APBB2: variants seen among roughly 807,000 people sequenced by gnomAD.
APBB2 encodes the protein Fe65-like 1.
In APBB2, 38 loss-of-function variants were observed where a neutral mutation model predicts 82.5. The observed-to-expected ratio is 0.46, with a 90% confidence interval of 0.36 to 0.60. The LOEUF is 0.60. APBB2 is among the 20% of genes least tolerant of loss of function. The probability of loss-of-function intolerance (pLI) is 0.00; values close to 1 mark genes in which losing one functional copy is unlikely to be tolerated. For synonymous variants in APBB2, 341 were observed against 368.2 expected, an observed-to-expected ratio of 0.93 and a Z score of 0.85; for missense variants, 772 against 972.3, an observed-to-expected ratio of 0.79 and a Z score of 2.74.
chr4:40,821,484 C>T (rs1342389277), intron 17 of APBB2, among the ~76,000 whole-genome samples: 3 of 152,190 alleles, frequency 2.0e-5, no homozygotes, highest in East Asian at 3.8e-4. Flanking sequence ...GAACGGTGTA[C>T]AGAAACCAAT....
At chr4:40,824,611 T>C (rs1479500488) in intron 15 of APBB2, among the ~76,000 whole-genome samples, 1 of 152,080 alleles carries the variant, frequency 6.6e-6, no homozygotes, top group Non-Finnish European at 1.5e-5. Context: ...CCTCGGCCTC[T>C]GGAGTAGCTG....
intron 3 of APBB2, among the ~76,000 whole-genome samples, chr4:41,071,199 AGAT>A (rs1733761143): frequency 6.6e-6 from 1 of 152,248 alleles, no homozygotes; most frequent in African/African-American, 2.4e-5. Context: ...TTGACCTAAA[AGAT>A]AAGTTTGTAC....
At chr4:40,846,293 G>A (rs1471886756) in intron 12 of APBB2, among the ~76,000 whole-genome samples, 3 of 117,080 alleles carry the variant, frequency 2.6e-5, no homozygotes, top group Non-Finnish European at 4.9e-5. Flanking sequence ...TTCCTGACCT[G>A]TTTTGGATCA....
chr4:41,009,732 C>T (rs1373533632), intron 6 of APBB2, among the ~76,000 whole-genome samples: 2 of 152,158 alleles, frequency 1.3e-5, no homozygotes, highest in Non-Finnish European at 2.9e-5. Context: ...CCTTTTTATA[C>T]ATGTACTATG....
At chr4:41,085,944 C>G (rs1739495347) in intron 3 of APBB2, among the ~76,000 whole-genome samples, 1 of 151,972 alleles carries the variant, frequency 6.6e-6, no homozygotes, top group African/African-American at 2.4e-5. Context: ...AATTGACATT[C>G]CTTTAGGTAG....
At chr4:40,850,120 CACA>C (rs1758858708) in intron 12 of APBB2, among the ~76,000 whole-genome samples, 1 of 152,004 alleles carries the variant, frequency 6.6e-6, no homozygotes, top group African/African-American at 2.4e-5. Context: ...AAACGAAAAC[CACA>C]ACGCCACTGC....
intron 4 of APBB2, among the ~76,000 whole-genome samples, chr4:41,059,563 G>A (rs545706517): frequency 2.0e-5 from 3 of 152,382 alleles, no homozygotes; most frequent in East Asian, 1.9e-4. Context: ...GCGGAAAACC[G>A]CTTAAAGGCG....
chr4:41,019,993 GAC>G (rs1811043563), intron 5 of APBB2, among the ~76,000 whole-genome samples: 1 of 151,978 alleles, frequency 6.6e-6, no homozygotes, highest in South Asian at 2.1e-4. Context: ...GAGAGGAAGA[GAC>G]AGAGAGACAG....
intron 6 of APBB2, among the ~76,000 whole-genome samples, chr4:40,953,401 A>C (rs1453520326): frequency 6.6e-6 from 1 of 151,998 alleles, no homozygotes; most frequent in Non-Finnish European, 1.5e-5. Flanking sequence ...ATAACCAAAC[A>C]ATGGCTACAA....
intron 1 of APBB2, among the ~76,000 whole-genome samples, chr4:41,212,185 GAAACATGACAA>G (rs1327022365): frequency 6.6e-6 from 1 of 152,136 alleles, no homozygotes; most frequent in Non-Finnish European, 1.5e-5. Context: ...TCAAAAGGTT[GAAACATGACAA>G]AAAGTACCAG....
At chr4:40,993,974 C>A (rs1055519295) in intron 6 of APBB2, among the ~76,000 whole-genome samples, 1 of 151,932 alleles carries the variant, frequency 6.6e-6, no homozygotes, top group East Asian at 1.9e-4. Flanking sequence ...CAGGTAGGGC[C>A]CAGGTATCTA....
At chr4:41,214,159 G>GGCGCAGGGC (rs1487826925) in intron 1 of APBB2, among the ~76,000 whole-genome samples, 3 of 152,154 alleles carry the variant, frequency 2.0e-5, no homozygotes, top group African/African-American at 4.8e-5. Flanking sequence ...CTGCGGCGCG[G>GGCGCAGGGC]GCGCAGGGCG....
At chr4:41,049,506 G>GGC in intron 4 of APBB2, among the ~76,000 whole-genome samples, 1 of 145,556 alleles carries the variant, frequency 6.9e-6, no homozygotes, top group Non-Finnish European at 1.5e-5. Context: ...CCGGGAGGGA[G>GGC]GTGGGGGCCA....
chr4:40,880,382 G>A, intron 12 of APBB2: 1 of 985,440 alleles, frequency 1.0e-6, no homozygotes, highest in Non-Finnish European at 1.2e-6. Context: ...TGACATTTGA[G>A]TAAAAAGGTT....
chr4:41,168,864 G>A (rs1184261450), intron 1 of APBB2, among the ~76,000 whole-genome samples: 1 of 152,154 alleles, frequency 6.6e-6, no homozygotes, highest in Non-Finnish European at 1.5e-5. Context: ...GTAAGGAAGA[G>A]GACAGAAAGG....
chr4:40,991,011 A>ATTTTTTTTTTT (rs796337000), intron 6 of APBB2, among the ~76,000 whole-genome samples: 4 of 134,844 alleles, frequency 3.0e-5, no homozygotes, highest in African/African-American at 8.1e-5. Flanking sequence ...ACTGAGTTTC[A>ATTTTTTTTTTT]TTTTTTTTTT....
intron 6 of APBB2, among the ~76,000 whole-genome samples, chr4:40,954,093 G>A (rs971146178): frequency 3.1e-4 from 47 of 152,254 alleles, no homozygotes; most frequent in African/African-American, 1.1e-3. Context: ...GACCACTCCC[G>A]GGTGGGGCCA....
chr4:40,935,149 T>C lies in APBB2; in HGVS notation c.1045-10A>G. The C allele has an allele frequency of 1.3e-6, 2 of 1,508,486 alleles. No individual in the cohort carries two copies. The highest frequency in any genetic ancestry group is 1.8e-6 in the Non-Finnish European group (2 of 1,129,970). 93.4% of individuals were successfully genotyped at this position (1,508,486 alleles called of 1,614,324 possible). ...CACTCCATGGCTGTTTCTAGACATATAATTATTCACATAGGAAAAAAGCAC... is the reference window on the plus strand; with the variant it reads ...CACTCCATGGCTGTTTCTAGACATACAATTATTCACATAGGAAAAAAGCAC... On this transcript the variant is annotated splice_polypyrimidine_tract_variant and intron_variant, in intron 7 of 17. Transcript: ENST00000508593.
intron 12 of APBB2, among the ~76,000 whole-genome samples, chr4:40,870,562 G>A (rs542465463): frequency 1.3e-5 from 2 of 152,266 alleles, no homozygotes; most frequent in Non-Finnish European, 2.9e-5. Flanking sequence ...AGGAGAGACA[G>A]CTGGGTGAGG....
Sources: allele counts gnomAD v4.1 joint callset (sites outside exome capture counted in the v4.1 genomes callset), GRCh38; gene constraint gnomAD v4.1.1; transcripts MANE v1.5; gene names NCBI Gene and HGNC (gene_info 2026-07-23, HGNC 2026-07-21).